HPSE2: variants seen among roughly 807,000 people sequenced by gnomAD.
HPSE2 encodes heparanase 2 (inactive), also known as inactive heparanase-2.
A neutral mutation model predicts 60.5 loss-of-function variants in HPSE2; 38 were observed. That is an observed-to-expected ratio of 0.63 (90% CI 0.48 to 0.82). HPSE2 has a LOEUF of 0.82. Ranked by LOEUF, HPSE2 falls within the 40% of genes least tolerant of loss-of-function variation. HPSE2 has a pLI of 0.00. For synonymous variants in HPSE2, 295 were observed against 293.2 expected (o/e 1.01, Z -0.06); for missense variants, 713 against 740.4 (o/e 0.96, Z 0.43).
At chr10:98,514,967 G>A (rs1057355148) in intron 9 of HPSE2, among the ~76,000 whole-genome samples, 2 of 151,660 alleles carry the variant, frequency 1.3e-5, no homozygotes, top group East Asian at 1.9e-4. Context: ...CAGGCAATCC[G>A]CCCGCCTCGG....
chr10:98,571,001 T>C (rs1944478543), intron 9 of HPSE2, among the ~76,000 whole-genome samples: 1 of 152,234 alleles, frequency 6.6e-6, no homozygotes, highest in African/African-American at 2.4e-5. Context: ...GCAGTGGGAC[T>C]GTACAACTTT....
chr10:99,306,011 AC>A, the HPSE2 span, among the ~76,000 whole-genome samples: 1 of 150,480 alleles, frequency 6.6e-6, no homozygotes, highest in African/African-American at 2.5e-5. Flanking sequence ...ACACACACAC[AC>A]ACCAGACTGC....
chr10:99,269,636 A>C, the HPSE2 span, among the ~76,000 whole-genome samples: 1 of 152,222 alleles, frequency 6.6e-6, no homozygotes, highest in African/African-American at 2.4e-5. Context: ...TAATGAACTT[A>C]ATGTTTCAGA....
chr10:98,580,863 T>TGTGTGTGAGA (rs758991622), intron 9 of HPSE2, among the ~76,000 whole-genome samples: 8 of 142,650 alleles, frequency 5.6e-5, no homozygotes, highest in Admixed American at 2.8e-4. Context: ...TGTGTGTGTG[T>TGTGTGTGAGA]GATAAACATG....
intron 3 of HPSE2, among the ~76,000 whole-genome samples, chr10:98,884,475 T>C (rs535288100): frequency 6.6e-6 from 1 of 152,274 alleles, no homozygotes; most frequent in East Asian, 1.9e-4. Flanking sequence ...GCTGATTCTC[T>C]CGTTAGGGGC....
At chr10:98,757,470 C>T (rs1337518961) in intron 3 of HPSE2, among the ~76,000 whole-genome samples, 1 of 152,092 alleles carries the variant, frequency 6.6e-6, no homozygotes, top group African/African-American at 2.4e-5. Context: ...AATGGATAAA[C>T]AACTTCAGTA....
intron 2 of HPSE2, among the ~76,000 whole-genome samples, chr10:99,185,366 C>T (rs775234635): frequency 4.0e-5 from 6 of 151,560 alleles, no homozygotes; most frequent in Non-Finnish European, 7.4e-5. Flanking sequence ...CAGAGAACAC[C>T]CAAGAAGAAG....
chr10:98,732,082 A>C (rs768064075), intron 4 of HPSE2, among the ~76,000 whole-genome samples: 5 of 152,206 alleles, frequency 3.3e-5, no homozygotes, highest in African/African-American at 7.2e-5. Flanking sequence ...TATTTAACAA[A>C]AGAAGTACAA....
At chr10:98,921,137 G>A (rs1037853402) in intron 3 of HPSE2, among the ~76,000 whole-genome samples, 9 of 152,074 alleles carry the variant, frequency 5.9e-5, no homozygotes. Flanking sequence ...TCTCTCATAT[G>A]TAAACTGAAT....
chr10:98,875,137 G>A (rs1361180372), intron 3 of HPSE2, among the ~76,000 whole-genome samples: 1 of 151,954 alleles, frequency 6.6e-6, no homozygotes, highest in Non-Finnish European at 1.5e-5. Flanking sequence ...CAAGAGCAAA[G>A]TGATCCAAAA....
intron 5 of HPSE2, among the ~76,000 whole-genome samples, chr10:98,715,348 T>C (rs1305932178): frequency 6.6e-6 from 1 of 152,028 alleles, no homozygotes; most frequent in Non-Finnish European, 1.5e-5. Context: ...TGGAAATTGC[T>C]TTTACTCCAT....
chr10:98,946,446 C>A (rs1955186378), intron 3 of HPSE2, among the ~76,000 whole-genome samples: 1 of 147,998 alleles, frequency 6.8e-6, no homozygotes, highest in Admixed American at 6.8e-5. Context: ...GCACTCAAAC[C>A]TGGGCAACAG....
intron 3 of HPSE2, among the ~76,000 whole-genome samples, chr10:98,876,964 G>T (rs1952893618): frequency 6.6e-6 from 1 of 151,606 alleles, no homozygotes; most frequent in Non-Finnish European, 1.5e-5. Flanking sequence ...GAGCTTTTCT[G>T]TTACACCTCT....
In HPSE2 at chr10:99,232,621, T is replaced by TAGAGG. The variant is rs1385538779; in HGVS notation, c.291-117_291-116insCCTCT. The TAGAGG allele has an allele frequency of 8.8e-5, 105 of 1,196,570 alleles. No individual in the cohort carries two copies. The African/African-American group carries it at 1.5e-3, about 17-fold the overall frequency. The allele number at this position is 1,196,570 out of a possible 1,614,324, so 74.1% of individuals were successfully genotyped here. A position where few individuals can be genotyped will look rare whatever the true frequency, so the allele number is the denominator to read the frequency against. On this transcript the variant is annotated intron_variant, in intron 1 of 11. Transcript: ENST00000370552. ...GGGCGACCTGGCCGGGGCTAGAGGC[T>TAGAGG]CTGTGCCTGCCCCAGCCGGCAGTCC...
intron 6 of HPSE2, among the ~76,000 whole-genome samples, chr10:98,656,244 C>A (rs892702812): frequency 5.9e-5 from 9 of 152,104 alleles, no homozygotes; most frequent in African/African-American, 1.9e-4. Context: ...TCCCACCACA[C>A]CCGGCTAATG....
chr10:98,937,924 G>T lies in HPSE2; in HGVS notation c.611-193868C>A, dbSNP rs1406720959. The stretch of plus-strand genomic sequence containing the variant: ...GGAACGATCAGACAGCAGCATTCGC[G>T]GTTCATAAAAATCCACTGTTCTGCA... On this transcript the variant is annotated intron_variant, in intron 3 of 11. Transcript: ENST00000370552. Among the ~76,000 whole-genome samples the T allele has an allele frequency of 4.2e-5, 6 of 143,436 alleles. 2 individuals carry two copies. The highest frequency in any genetic ancestry group is 1.7e-4 in the African/African-American group (6 of 35,106). The allele number at this position is 143,436 out of a possible 152,430, so 94.1% of individuals were successfully genotyped here.
intron 3 of HPSE2, among the ~76,000 whole-genome samples, chr10:99,000,061 G>T (rs184440065): frequency 4.6e-5 from 7 of 152,174 alleles, no homozygotes; most frequent in African/African-American, 1.4e-4. Context: ...ACAATCCTTG[G>T]CATGCAGTAG....
intron 2 of HPSE2, among the ~76,000 whole-genome samples, chr10:99,147,677 G>A (rs755450130): frequency 6.6e-5 from 10 of 152,212 alleles, no homozygotes; most frequent in Non-Finnish European, 1.2e-4. Context: ...TTTCAAAAAT[G>A]TTTAGGGAAA....
intron 3 of HPSE2, among the ~76,000 whole-genome samples, chr10:98,960,712 T>TAA (rs199661395): frequency 1.9e-5 from 1 of 51,886 alleles, no homozygotes; most frequent in African/African-American, 8.8e-5. Flanking sequence ...TTTTTTTTTT[T>TAA]TTTTTTTTGT....
Sources: gnomAD v4.1 joint callset for allele counts (sites outside exome capture counted in the v4.1 genomes callset) on GRCh38, gnomAD v4.1.1 for gene constraint, MANE v1.5 for transcripts, NCBI Gene and HGNC (gene_info 2026-07-23, HGNC 2026-07-21) for gene names.